The following SLC24A2 variants were observed in gnomAD, a reference collection of about 807,000 sequenced individuals.
SLC24A2 encodes sodium/potassium/calcium exchanger 2.
A neutral mutation model predicts 62.0 loss-of-function variants in SLC24A2; 36 were observed. The observed-to-expected ratio is 0.58, with a 90% CI of 0.44 to 0.77. The LOEUF (loss-of-function observed/expected upper bound fraction) is 0.77. Ranked by LOEUF, SLC24A2 falls within the 30% of genes least tolerant of loss-of-function variation. The probability of loss-of-function intolerance (pLI) is 0.00; values close to 1 mark genes in which losing one functional copy is unlikely to be tolerated. For missense variants in SLC24A2, 846 were observed against 817.9 expected, an observed-to-expected ratio of 1.03 and a Z score of -0.42; for synonymous variants, 358 against 294.0, an observed-to-expected ratio of 1.22 and a Z score of -2.23.
intron 2 of SLC24A2, among the ~76,000 whole-genome samples, chr9:19,703,714 T>C (rs1325914069): frequency 6.6e-6 from 1 of 152,060 alleles, no homozygotes; most frequent in African/African-American, 2.4e-5. Flanking sequence ...ATCAGAATAA[T>C]CAAAAATATC....
At chr9:19,643,682 A>G (rs915748413) in intron 2 of SLC24A2, among the ~76,000 whole-genome samples, 2 of 152,208 alleles carry the variant, frequency 1.3e-5, no homozygotes, top group African/African-American at 4.8e-5. Flanking sequence ...TATTTACTCA[A>G]AATAACTATG....
Position 19,765,689 on chromosome 9 carries a change from T to G in SLC24A2, c.930+20248A>C, listed in dbSNP as rs573399662. On this transcript the variant is annotated intron_variant, in intron 2 of 10. Coordinates refer to ENST00000341998, the MANE Select transcript of SLC24A2 (RefSeq NM_020344.4). ...CTGCTGTTAGTCTGATGGCTTCCCTTTGTGGGGAATCCAACCTTTCTCTCG... is the reference window on the plus strand; with the variant it reads ...CTGCTGTTAGTCTGATGGCTTCCCTGTGTGGGGAATCCAACCTTTCTCTCG... Among the ~76,000 whole-genome samples, 370 of 152,356 alleles carry G rather than the reference T, an allele frequency of 2.4e-3. 1 individual carries two copies. The highest frequency in any genetic ancestry group is 3.4e-3 in the Non-Finnish European group (234 of 68,038).
At chr9:19,832,968 C>A in the SLC24A2 span, among the ~76,000 whole-genome samples, 2 of 152,058 alleles carry the variant, frequency 1.3e-5, no homozygotes, top group African/African-American at 4.8e-5. Flanking sequence ...GACATTTATG[C>A]AGCCAAAAGA....
the SLC24A2 span, among the ~76,000 whole-genome samples, chr9:20,021,242 G>T: frequency 2.0e-5 from 3 of 152,042 alleles, no homozygotes; most frequent in African/African-American, 7.2e-5. Flanking sequence ...ATACATGCAT[G>T]TTAGCGTGTA....
the SLC24A2 span, among the ~76,000 whole-genome samples, chr9:19,953,879 G>C: frequency 6.6e-6 from 1 of 151,640 alleles, no homozygotes; most frequent in Non-Finnish European, 1.5e-5. Flanking sequence ...GTTATCAAAA[G>C]AAATGTAGTA....
intron 7 of SLC24A2, among the ~76,000 whole-genome samples, chr9:19,561,898 G>GA (rs1445477095): frequency 6.6e-6 from 1 of 152,144 alleles, no homozygotes; most frequent in Non-Finnish European, 1.5e-5. Context: ...ATGGCCTCCT[G>GA]AAAACAACTT....
chr9:20,279,529 C>T, the SLC24A2 span, among the ~76,000 whole-genome samples: 3 of 152,184 alleles, frequency 2.0e-5, no homozygotes, highest in South Asian at 6.2e-4. Flanking sequence ...GAAACTCTGT[C>T]TTAAAAAATA....
At chr9:19,670,197 T>A (rs932780816) in intron 2 of SLC24A2, among the ~76,000 whole-genome samples, 2 of 152,150 alleles carry the variant, frequency 1.3e-5, no homozygotes, top group African/African-American at 4.8e-5. Flanking sequence ...CCTTTTCAAT[T>A]GTAGCTGTAG....
chr9:20,019,176 A>G, the SLC24A2 span, among the ~76,000 whole-genome samples: 1 of 150,126 alleles, frequency 6.7e-6, no homozygotes, highest in Non-Finnish European at 1.5e-5. Flanking sequence ...ACAGAAAGAA[A>G]GAAAGAAGGA....
At chr9:20,274,565 G>A in the SLC24A2 span, among the ~76,000 whole-genome samples, 1 of 152,070 alleles carries the variant, frequency 6.6e-6, no homozygotes, top group African/African-American at 2.4e-5. Context: ...ACTACACTGT[G>A]GAGTCAGAGA....
the SLC24A2 span, among the ~76,000 whole-genome samples, chr9:19,901,092 T>C: frequency 1.3e-5 from 2 of 152,234 alleles, no homozygotes; most frequent in African/African-American, 4.8e-5. Context: ...TAGCCAGTCG[T>C]GCAGGCAACA....
the SLC24A2 span, among the ~76,000 whole-genome samples, chr9:20,130,056 C>A: frequency 2.0e-5 from 3 of 151,768 alleles, no homozygotes; most frequent in African/African-American, 7.3e-5. Flanking sequence ...CCCTTTGAAT[C>A]TAAAACTTAA....
the SLC24A2 span, among the ~76,000 whole-genome samples, chr9:19,876,365 C>CGT: frequency 0.076 from 11,092 of 145,544 alleles, 405 homozygotes; most frequent in South Asian, 0.12. Context: ...TTATTGAAGG[C>CGT]GTGTGTGTGT....
chr9:20,191,692 C>T, the SLC24A2 span, among the ~76,000 whole-genome samples: 12 of 150,568 alleles, frequency 8.0e-5, no homozygotes, highest in East Asian at 1.9e-4. Context: ...TCCATTAAGA[C>T]GGGAAAAGAA....
intron 2 of SLC24A2, among the ~76,000 whole-genome samples, chr9:19,648,135 G>T (rs768334900): frequency 2.6e-5 from 4 of 152,144 alleles, no homozygotes; most frequent in Non-Finnish European, 4.4e-5. Context: ...ATTAGTTTAC[G>T]CAATAGACTA....
At chr9:19,551,574 T>C (rs542938999) in intron 7 of SLC24A2, among the ~76,000 whole-genome samples, 1 of 152,276 alleles carries the variant, frequency 6.6e-6, no homozygotes, top group Non-Finnish European at 1.5e-5. Context: ...CAGGAACTTT[T>C]CCACTGATGC....
the SLC24A2 span, among the ~76,000 whole-genome samples, chr9:20,009,034 G>T: frequency 6.6e-6 from 1 of 152,160 alleles, no homozygotes; most frequent in Non-Finnish European, 1.5e-5. Context: ...TAAGAGAAAT[G>T]GTTCTCATTG....
chr9:19,550,541 G>C (rs1442912965), intron 7 of SLC24A2, among the ~76,000 whole-genome samples: 1 of 152,152 alleles, frequency 6.6e-6, no homozygotes, highest in Admixed American at 6.5e-5. Flanking sequence ...TTCAACTGGA[G>C]TGGGCTACAA....
At chr9:19,918,829 A>G in the SLC24A2 span, among the ~76,000 whole-genome samples, 1 of 152,154 alleles carries the variant, frequency 6.6e-6, no homozygotes, top group Non-Finnish European at 1.5e-5. Context: ...TGCCCTTACC[A>G]TGTCTAACAG....
Sources: allele counts gnomAD v4.1 joint callset (sites outside exome capture counted in the v4.1 genomes callset), GRCh38; gene constraint gnomAD v4.1.1; transcripts MANE v1.5; gene names NCBI Gene and HGNC (gene_info 2026-07-23, HGNC 2026-07-21).